Variants in GRIK1 observed in about 807,000 individuals in gnomAD.
GRIK1 encodes glutamate receptor ionotropic, kainate 1.
GRIK1 carries 69 observed loss-of-function variants against 105.7 expected under a neutral mutation model. The observed-to-expected ratio is 0.65, with a 90% CI of 0.54 to 0.80. The LOEUF (loss-of-function observed/expected upper bound fraction) is 0.80. Ranked by LOEUF, GRIK1 falls within the 30% of genes least tolerant of loss-of-function variation. The pLI is 0.00. For synonymous variants in GRIK1, 438 were observed against 431.3 expected (o/e 1.02, Z -0.19); for missense variants, 1,109 against 1,167.3 (o/e 0.95, Z 0.73).
intron 8 of GRIK1, among the ~76,000 whole-genome samples, chr21:29,597,197 A>G (rs2061431741): frequency 6.6e-6 from 1 of 152,210 alleles, no homozygotes; most frequent in Non-Finnish European, 1.5e-5. Flanking sequence ...TTAAGGCCCA[A>G]TCAGCCTTCT....
At chr21:29,572,764 CT>C (rs1006767854) in intron 14 of GRIK1, among the ~76,000 whole-genome samples, 21 of 147,896 alleles carry the variant, frequency 1.4e-4, no homozygotes, top group African/African-American at 4.5e-4. Flanking sequence ...CTCAATTGGT[CT>C]TTTTTTTTTC....
intron 7 of GRIK1, among the ~76,000 whole-genome samples, chr21:29,638,460 A>G (rs1045252721): frequency 1.3e-5 from 2 of 152,194 alleles, no homozygotes; most frequent in South Asian, 2.1e-4. Context: ...ATTCGAGATG[A>G]GATTTGAGTG....
At chr21:29,830,357 A>T (rs1316783555) in intron 1 of GRIK1, among the ~76,000 whole-genome samples, 1 of 63,770 alleles carries the variant, frequency 1.6e-5, no homozygotes, top group Admixed American at 2.1e-4. Context: ...ACACACACAC[A>T]CACACTCACA....
intron 7 of GRIK1, among the ~76,000 whole-genome samples, chr21:29,611,774 TC>T (rs1315437814): frequency 1.3e-5 from 2 of 152,174 alleles, no homozygotes; most frequent in African/African-American, 4.8e-5. Context: ...CCATTTTACA[TC>T]CTAACTCTAG....
chr21:29,756,926 C>T (rs546270571), intron 1 of GRIK1, among the ~76,000 whole-genome samples: 4 of 152,078 alleles, frequency 2.6e-5, no homozygotes, highest in African/African-American at 9.6e-5. Flanking sequence ...CCAGCCTGGC[C>T]AACATGGTGA....
intron 2 of GRIK1, among the ~76,000 whole-genome samples, chr21:29,693,571 C>T (rs1601466987): frequency 6.6e-6 from 1 of 152,110 alleles, no homozygotes; most frequent in Admixed American, 6.5e-5. Context: ...TATTTGACTG[C>T]ACCGCACGAT....
At chr21:29,632,680 C>A (rs2062308275) in intron 7 of GRIK1, among the ~76,000 whole-genome samples, 1 of 148,772 alleles carries the variant, frequency 6.7e-6, no homozygotes, top group African/African-American at 2.5e-5. Flanking sequence ...TGTATAAAAG[C>A]AAATTCTTTA....
rs201765275 is a variant in GRIK1 at position 29,579,963 on chromosome 21, GTGTA to G, written c.1912+1458_1912+1461del. ...AACCTAAAAGTATATATATGTGTGT[GTGTA>G]TATATATATATATATGTGTGTATAT... On this transcript the variant is annotated intron_variant, in intron 13 of 17. Transcript: ENST00000327783. 9.0e-5 allele frequency among the ~76,000 whole-genome samples: 11 copies of G among 122,854 alleles called. No individual in the cohort carries two copies. In the East Asian group the frequency reaches 1.0e-3, roughly 12 times the overall value. The allele number at this position is 122,854 out of a possible 152,430, so 80.6% of individuals were successfully genotyped here. A position where few individuals can be genotyped will look rare whatever the true frequency, so the allele number is the denominator to read the frequency against.
intron 1 of GRIK1, among the ~76,000 whole-genome samples, chr21:29,774,061 T>A (rs1337804074): frequency 1.3e-5 from 2 of 152,200 alleles, no homozygotes; most frequent in African/African-American, 2.4e-5. Flanking sequence ...TGGATTTATA[T>A]CCTGAATATA....
chr21:29,892,522 G>T (rs1413701419), intron 1 of GRIK1, among the ~76,000 whole-genome samples: 1 of 152,228 alleles, frequency 6.6e-6, no homozygotes, highest in African/African-American at 2.4e-5. Context: ...GATGAGTGCT[G>T]CTGCTGGGTG....
chr21:29,577,366 C>T (rs997698660), intron 13 of GRIK1, among the ~76,000 whole-genome samples, 185 bp from the exon 14 acceptor site: 1 of 152,204 alleles, frequency 6.6e-6, no homozygotes, highest in African/African-American at 2.4e-5. Flanking sequence ...TCATTAATCA[C>T]TACTATTGCT....
At chr21:29,642,373 C>T (rs1386683832) in intron 7 of GRIK1, among the ~76,000 whole-genome samples, 1 of 152,192 alleles carries the variant, frequency 6.6e-6, no homozygotes, top group Non-Finnish European at 1.5e-5. Context: ...AAAATAGTCA[C>T]TATATAATTA....
At chr21:29,594,536 A>G (rs1030920775) in intron 9 of GRIK1, among the ~76,000 whole-genome samples, 1 of 152,234 alleles carries the variant, frequency 6.6e-6, no homozygotes, top group Non-Finnish European at 1.5e-5. Context: ...AGCACTCAAT[A>G]TCTAAATTAC....
At chr21:29,909,670 T>C (rs2070750806) in intron 1 of GRIK1, among the ~76,000 whole-genome samples, 1 of 152,142 alleles carries the variant, frequency 6.6e-6, no homozygotes, top group African/African-American at 2.4e-5. Flanking sequence ...GACAGATTAC[T>C]TTCAAATCAG....
intron 1 of GRIK1, among the ~76,000 whole-genome samples, chr21:29,734,196 C>T (rs2064710366): frequency 6.6e-6 from 1 of 152,118 alleles, no homozygotes; most frequent in Admixed American, 6.6e-5. Context: ...GCACCTCCAT[C>T]ACTACCACTC....
At chr21:29,894,302 A>C (rs2070024739) in intron 1 of GRIK1, among the ~76,000 whole-genome samples, 1 of 152,176 alleles carries the variant, frequency 6.6e-6, no homozygotes, top group Non-Finnish European at 1.5e-5. Context: ...AAAAGTAGGG[A>C]AGCCAACAGT....
intron 1 of GRIK1, among the ~76,000 whole-genome samples, chr21:29,875,182 G>A (rs1309021518): frequency 6.6e-6 from 1 of 151,896 alleles, no homozygotes; most frequent in Non-Finnish European, 1.5e-5. Context: ...TTAGACATCT[G>A]AGGACAAGAT....
intron 1 of GRIK1, among the ~76,000 whole-genome samples, chr21:29,746,975 C>T (rs940374568): frequency 3.9e-5 from 6 of 152,096 alleles, no homozygotes; most frequent in East Asian, 1.9e-4. Flanking sequence ...TATTTTTCAT[C>T]GGTTTACTTA....
In GRIK1 at chr21:29,581,516, G is replaced by C; in HGVS notation, c.1821C>G (p.Pro607=). The change falls in exon 13 of 18, where the codon CCC becomes CCG. Residue 607 remains proline (P), a synonymous_variant. Transcript: ENST00000327783. ...CGTCTGAGTCAGGGTTGCATGGGTG[G>C]GGGTTATACCACTCGTAGGGTGTAA... is the stretch of plus-strand genomic sequence containing the variant. The part of the protein sequence containing the change: ...ARFTPYEWYN[P]HPCNPDSDVV... 6.2e-7 allele frequency: 1 copy of C among 1,608,350 alleles called. No individual in the cohort carries two copies. The highest frequency in any genetic ancestry group is 8.5e-7 in the Non-Finnish European group (1 of 1,174,902).
Sources: gnomAD v4.1 joint callset for allele counts (sites outside exome capture counted in the v4.1 genomes callset) on GRCh38, gnomAD v4.1.1 for gene constraint, MANE v1.5 for transcripts, NCBI Gene and HGNC (gene_info 2026-07-23, HGNC 2026-07-21) for gene names.